Variants in FARS2 observed in about 807,000 individuals in gnomAD.
The protein encoded by FARS2 is phenylalanyl-tRNA synthetase 2, mitochondrial.
A neutral mutation model predicts 46.4 loss-of-function variants in FARS2; 40 were observed. The observed-to-expected ratio is 0.86, with a 90% confidence interval of 0.67 to 1.12. The LOEUF (loss-of-function observed/expected upper bound fraction) is 1.12, where lower values mean the gene tolerates loss of function less well. Among genes scored for constraint, FARS2 ranks in the 50% most tolerant of loss-of-function variants. The pLI is 0.00. For missense variants in FARS2, 513 were observed against 567.9 expected, an observed-to-expected ratio of 0.90 and a Z score of 0.98; for synonymous variants, 234 against 214.9, an observed-to-expected ratio of 1.09 and a Z score of -0.78.
chr6:5,501,077 T>C (rs192944026), intron 4 of FARS2, among the ~76,000 whole-genome samples: 2 of 151,902 alleles, frequency 1.3e-5, no homozygotes, highest in Admixed American at 1.3e-4. Flanking sequence ...GGACTGTGCT[T>C]ATCAAAAGAA....
chr6:5,443,514 T>C (rs1209125547), intron 4 of FARS2, among the ~76,000 whole-genome samples: 1 of 152,202 alleles, frequency 6.6e-6, no homozygotes, highest in Non-Finnish European at 1.5e-5. Flanking sequence ...GAAAAGAGGC[T>C]TGAAATGTAC....
intron 4 of FARS2, among the ~76,000 whole-genome samples, chr6:5,445,772 C>G (rs1386355749): frequency 3.3e-5 from 5 of 152,158 alleles, no homozygotes; most frequent in Admixed American, 2.0e-4. Context: ...GAAAAGATTT[C>G]TTCTATGGAT....
rs144411682 is a variant in FARS2, at chr6:5,630,583, A to G, written c.1217+17263A>G. The stretch of plus-strand genomic sequence containing the variant: ...CATACTTATGTGTCTGGTAATAGGC[A>G]TTTGAAATAATACTGCAGGGAAGTT... On this transcript the variant is annotated intron_variant, in intron 6 of 6. Coordinates refer to ENST00000274680, the MANE Select transcript of FARS2 (RefSeq NM_006567.5). The surrounding 1 kb of genome is among the most constrained non-coding windows in gnomAD (Gnocchi z 4.2). 3.4e-3 allele frequency among the ~76,000 whole-genome samples: 513 copies of G among 152,348 alleles called. No individual in the cohort carries two copies. Among genetic ancestry groups the G allele is most frequent in the Middle Eastern group, 0.017 (5 of 294 alleles).
At chr6:5,659,827 A>G (rs768886819) in intron 6 of FARS2, among the ~76,000 whole-genome samples, 1 of 152,230 alleles carries the variant, frequency 6.6e-6, no homozygotes, top group Non-Finnish European at 1.5e-5. Flanking sequence ...TACATGGCAG[A>G]CACAGTTTCA....
At chr6:5,538,012 G>A (rs1215178207) in intron 4 of FARS2, among the ~76,000 whole-genome samples, 2 of 152,062 alleles carry the variant, frequency 1.3e-5, no homozygotes, top group Non-Finnish European at 2.9e-5. Context: ...GCTCAATACT[G>A]TACAGACTTT....
chr6:5,692,952 A>G (rs1404128239), intron 6 of FARS2, among the ~76,000 whole-genome samples: 1 of 152,204 alleles, frequency 6.6e-6, no homozygotes, highest in Non-Finnish European at 1.5e-5. Context: ...TCTCCCCACC[A>G]GAAATGAGGA....
intron 5 of FARS2, among the ~76,000 whole-genome samples, chr6:5,577,387 T>C (rs943489298): frequency 1.3e-5 from 2 of 152,140 alleles, no homozygotes; most frequent in Non-Finnish European, 2.9e-5. Flanking sequence ...CCTTCCTAGC[T>C]CTGCCAGCTT....
intron 5 of FARS2, among the ~76,000 whole-genome samples, chr6:5,603,564 G>A (rs1315867129): frequency 6.6e-6 from 1 of 152,216 alleles, no homozygotes; most frequent in African/African-American, 2.4e-5. Flanking sequence ...CTGAGGATCT[G>A]TTTTGTGCCT....
At chr6:5,705,187 A>G (rs890004375) in intron 6 of FARS2, among the ~76,000 whole-genome samples, 1 of 152,232 alleles carries the variant, frequency 6.6e-6, no homozygotes, top group Non-Finnish European at 1.5e-5. Flanking sequence ...CCAAGTTACA[A>G]TCTGACCAAA....
At position 5,265,069 on chromosome 6, in the gene FARS2, G is replaced by C. The variant is rs143495327; in HGVS notation, c.-22+3409G>C. 5.3e-5 allele frequency among the ~76,000 whole-genome samples: 8 copies of C among 151,116 alleles called. No homozygotes were observed. In the East Asian group the frequency reaches 1.6e-3, roughly 30 times the overall value. On this transcript the variant is annotated intron_variant, in intron 1 of 6. Coordinates refer to ENST00000274680, the MANE Select transcript of FARS2 (RefSeq NM_006567.5). ...CTGTCTTGGCTTCCCAAAGAGCTCA[G>C]ATTATAGCTGTGAGTCGTGGCACTT...
intron 5 of FARS2, among the ~76,000 whole-genome samples, chr6:5,610,445 T>A (rs1258650661): frequency 6.6e-6 from 1 of 152,142 alleles, no homozygotes; most frequent in Non-Finnish European, 1.5e-5. Flanking sequence ...AAAAACAATT[T>A]AAAAATACAA....
chr6:5,710,909 A>C (rs1759103291), intron 6 of FARS2, among the ~76,000 whole-genome samples: 1 of 152,232 alleles, frequency 6.6e-6, no homozygotes, highest in Non-Finnish European at 1.5e-5. Context: ...TGGGTATGAT[A>C]CTCAGAAGGG....
rs528234188 is a variant in FARS2 at position 5,497,104 on chromosome 6, G to A, written c.905-48076G>A. ...GCTAACTCCCTTATAGGATGGTACT[G>A]AGACTTAAATGAAATCTCGTGTATG... is the stretch of plus-strand genomic sequence containing the variant. On this transcript the variant is annotated intron_variant, in intron 4 of 6. Coordinates refer to ENST00000274680, the MANE Select transcript of FARS2 (RefSeq NM_006567.5). 3.3e-4 allele frequency among the ~76,000 whole-genome samples: 50 copies of A among 152,318 alleles called. No homozygotes were observed. In the South Asian group the frequency reaches 7.7e-3, roughly 23 times the overall value.
chr6:5,315,112 T>C (rs934328812), intron 1 of FARS2, among the ~76,000 whole-genome samples: 16 of 152,266 alleles, frequency 1.1e-4, no homozygotes, highest in Non-Finnish European at 1.5e-4. Flanking sequence ...AAGTTTTCTA[T>C]GTTCTTTAAG....
intron 4 of FARS2, among the ~76,000 whole-genome samples, chr6:5,459,452 G>C (rs1333340430): frequency 6.6e-6 from 1 of 151,226 alleles, no homozygotes; most frequent in Admixed American, 6.6e-5. Flanking sequence ...CTCCACTTTT[G>C]TGGGAACTTC....
In FARS2 at chr6:5,471,707, G is replaced by T. The variant is rs1277861859; in HGVS notation, c.904+40535G>T. ...GATCATATTCTGTATGATCTTGTTG[G>T]CTCATATTATGTGGTGATTAGAGCT... On this transcript the variant is annotated intron_variant, in intron 4 of 6. Transcript: ENST00000274680. This position sits in a 1 kb window ranked among gnomAD's most constrained non-coding sequence, Gnocchi z 4.1. 6.6e-6 allele frequency among the ~76,000 whole-genome samples: 1 copy of T among 152,154 alleles called. No homozygotes were observed. The highest frequency in any genetic ancestry group is 1.9e-4 in the East Asian group (1 of 5,190).
intron 5 of FARS2, among the ~76,000 whole-genome samples, chr6:5,602,670 A>AAAAGG (rs1554114901): frequency 0.076 from 10,420 of 136,274 alleles, 716 homozygotes; most frequent in Non-Finnish European, 0.12. Flanking sequence ...AAAAAAAAAA[A>AAAAGG]GGGAACCTCC....
chr6:5,308,170 A>C (rs1768851027), intron 1 of FARS2, among the ~76,000 whole-genome samples: 1 of 152,146 alleles, frequency 6.6e-6, no homozygotes, highest in Non-Finnish European at 1.5e-5. Flanking sequence ...GCCTCAAGGC[A>C]AAAAAGGGAG....
intron 6 of FARS2, among the ~76,000 whole-genome samples, chr6:5,682,061 T>C (rs1779061023): frequency 6.6e-6 from 1 of 152,194 alleles, no homozygotes; most frequent in South Asian, 2.1e-4. Context: ...CTACCTCCAT[T>C]TGTTTAGCAT....
Sources: gnomAD v4.1 joint callset for allele counts (sites outside exome capture counted in the v4.1 genomes callset) on GRCh38, gnomAD v4.1.1 for gene constraint, Gnocchi (gnomAD v3.1) non-coding constraint, MANE v1.5 for transcripts, NCBI Gene and HGNC (gene_info 2026-07-23, HGNC 2026-07-21) for gene names.